Variants in DNAH3 observed in about 807,000 individuals in gnomAD.
DNAH3 encodes the protein dynein axonemal heavy chain 3, also known as axonemal beta dynein heavy chain 3.
A neutral mutation model predicts 432.5 loss-of-function variants in DNAH3; 332 were observed. The observed-to-expected ratio is 0.77, with a 90% CI of 0.70 to 0.84. The LOEUF (loss-of-function observed/expected upper bound fraction) is 0.84. DNAH3 is among the 40% of genes least tolerant of loss of function. The probability of loss-of-function intolerance (pLI) is 0.00; values close to 1 mark genes in which losing one functional copy is unlikely to be tolerated. For synonymous variants in DNAH3, 1,956 were observed against 1,900.2 expected (o/e 1.03, Z -0.76); for missense variants, 4,861 against 5,114.0 (o/e 0.95, Z 1.51).
In DNAH3 at chr16:21,084,035, A is replaced by ACCTTTTTTG. The variant is rs1362152208; in HGVS notation, c.2878-2317_2878-2309dup. Among the ~76,000 whole-genome samples, 18 of 152,076 alleles carry ACCTTTTTTG rather than the reference A, an allele frequency of 1.2e-4. No individual in the cohort carries two copies. In the South Asian group the frequency reaches 3.1e-3, roughly 26 times the overall value. The stretch of plus-strand genomic sequence containing the variant: ...CTGCCCGCTCCCTTCCTCTGACCGG[A>ACCTTTTTTG]CCTTTTTTGCCTTTTTGACTTTTCC... On this transcript the variant is annotated intron_variant, in intron 19 of 61. Transcript: ENST00000261383.
At chr16:21,142,331 C>T (rs768371929) in intron 3 of DNAH3, among the ~76,000 whole-genome samples, 68 of 152,240 alleles carry the variant, frequency 4.5e-4, no homozygotes, top group Middle Eastern at 3.4e-3. Context: ...AGCACCATTG[C>T]ACTCCAGCCT....
rs771791969 is a variant in DNAH3 at position 21,040,358 on chromosome 16, A to ATC, written c.4639-416_4639-415insGA. On this transcript the variant is annotated intron_variant, in intron 32 of 61. Coordinates refer to ENST00000261383, the Ensembl canonical transcript of DNAH3. Reference sequence around the variant, plus strand: ...TCAGAAGAATCCCAAAGCCAGACAGATTTTTTTTTTTTTTTTTTTTTTTTT... The same window carrying ATC: ...TCAGAAGAATCCCAAAGCCAGACAGATCTTTTTTTTTTTTTTTTTTTTTTTTT... 1.2e-3 allele frequency among the ~76,000 whole-genome samples: 95 copies of ATC among 79,746 alleles called. 22 individuals are homozygous for ATC. The highest frequency in any genetic ancestry group is 6.6e-3 in the Middle Eastern group (1 of 152). 52.3% of individuals were successfully genotyped at this position (79,746 alleles called of 152,430 possible). A position where few individuals can be genotyped will look rare whatever the true frequency, so the allele number is the denominator to read the frequency against.
intron 58 of DNAH3, among the ~76,000 whole-genome samples, chr16:20,943,267 G>A (rs1012497000): frequency 4.0e-5 from 6 of 151,198 alleles, no homozygotes; most frequent in African/African-American, 9.7e-5. Context: ...TTGTATAGAC[G>A]GCGTTTTGCT....
At position 20,941,360 on chromosome 16, in the gene DNAH3, C is replaced by T. The variant is rs769152402; in HGVS notation, c.11654+41G>A. The T allele has an allele frequency of 9.9e-6, 16 of 1,611,104 alleles. 1 individual carries two copies. Among genetic ancestry groups the T allele is most frequent in the Middle Eastern group, 3.3e-4 (2 of 6,038 alleles). On this transcript the variant is annotated intron_variant, in intron 59 of 61. Coordinates refer to ENST00000261383, the Ensembl canonical transcript of DNAH3. ...ACTGCCTGTTAGATCCTACTCCTCA[C>T]GTTCCAACTCCCAGGATTCAAGCTA...
At chr16:20,998,763 AG>A (rs1159615421) in intron 43 of DNAH3, among the ~76,000 whole-genome samples, 40 of 103,486 alleles carry the variant, frequency 3.9e-4, no homozygotes, top group African/African-American at 4.8e-4. Context: ...AAAAAAAAAA[AG>A]GGGGGGGCTC....
intron 59 of DNAH3, among the ~76,000 whole-genome samples, chr16:20,940,222 CAG>C (rs992882305): frequency 6.6e-6 from 1 of 152,016 alleles, no homozygotes; most frequent in African/African-American, 2.4e-5. Flanking sequence ...TTCTGAATCT[CAG>C]AGTTTTTTTT....
Position 20,985,803 on chromosome 16 carries a change from G to A in DNAH3, c.7027-88C>T, listed in dbSNP as rs906743892. ...ATCATGGAGGGAGGGCATGGGAGAC[G>A]TGGCTTATTTCCTCTGAGCACATCC... On this transcript the variant is annotated intron_variant, in intron 47 of 61. Coordinates refer to ENST00000261383, the Ensembl canonical transcript of DNAH3. 2.0e-5 allele frequency: 27 copies of A among 1,347,014 alleles called. No individual in the cohort carries two copies. In the South Asian group the frequency reaches 2.6e-4, roughly 13 times the overall value. 83.4% of individuals were successfully genotyped at this position (1,347,014 alleles called of 1,614,324 possible). A position where few individuals can be genotyped will look rare whatever the true frequency, so the allele number is the denominator to read the frequency against.
intron 50 of DNAH3, among the ~76,000 whole-genome samples, chr16:20,977,387 AAAAC>A (rs751799634): frequency 1.1e-4 from 17 of 152,134 alleles, no homozygotes; most frequent in African/African-American, 2.2e-4. Flanking sequence ...AACAAAAACA[AAAAC>A]AAACAAACAA....
At chr16:21,083,326 A>AT (rs149561213) in intron 19 of DNAH3, among the ~76,000 whole-genome samples, 2,494 of 152,228 alleles carry the variant, frequency 0.016, 61 homozygotes, top group African/African-American at 0.052. Context: ...AGACCAGGAG[A>AT]TTTTTTTATA....
intron 30 of DNAH3, 34 bp from the exon 31 acceptor site, chr16:21,049,716 G>A (rs1219952365): frequency 5.1e-6 from 8 of 1,582,774 alleles, no homozygotes; most frequent in African/African-American, 4.0e-5. Flanking sequence ...ATCATTCAGG[G>A]TGGATTCCAT....
At chr16:20,964,801 C>A in exon 53 of DNAH3, 1 of 1,614,160 alleles carries the variant, frequency 6.2e-7, no homozygotes, top group South Asian at 1.1e-5. Context: ...CTTGTCCTTA[C>A]ATTCAGCCAA....
intron 1 of DNAH3, among the ~76,000 whole-genome samples, chr16:21,157,158 A>G (rs187799474): frequency 1.3e-5 from 2 of 152,126 alleles, no homozygotes; most frequent in African/African-American, 4.8e-5. Context: ...TCTTTCTGCT[A>G]TTGTGGAATT....
chr16:20,955,075 C>A lies in DNAH3; in HGVS notation c.10827-18G>T. ...GCCAGAGTCTGGAAGAACAATGGACCCAACGTTTTAGAGCAATACAATAAG... is the reference window on the plus strand; with the variant it reads ...GCCAGAGTCTGGAAGAACAATGGACACAACGTTTTAGAGCAATACAATAAG... On this transcript the variant is annotated intron_variant, in intron 54 of 61. Transcript: ENST00000261383. The A allele has an allele frequency of 6.3e-7, 1 of 1,583,658 alleles. No individual in the cohort carries two copies. The highest frequency in any genetic ancestry group is 8.6e-7 in the Non-Finnish European group (1 of 1,164,362).
At chr16:21,087,198 T>C (rs2091406716) in intron 18 of DNAH3, 138 bp from the exon 19 acceptor site, 3 of 714,146 alleles carry the variant, frequency 4.2e-6, no homozygotes, top group Non-Finnish European at 7.1e-6. Context: ...ATCTGAAACC[T>C]GCACTTAGCC....
chr16:21,020,397 A>ATTTTTTTT (rs56049638), intron 40 of DNAH3, among the ~76,000 whole-genome samples: 1 of 34,596 alleles, frequency 2.9e-5, no homozygotes, highest in African/African-American at 1.2e-4. Flanking sequence ...ATATATATAT[A>ATTTTTTTT]TTTTTTTTTT....
At chr16:20,987,354 T>C in exon 47 of DNAH3, 2 of 1,614,216 alleles carry the variant, frequency 1.2e-6, no homozygotes, top group Non-Finnish European at 1.7e-6. Context: ...CTTCACCATG[T>C]TGAAAAAGAC....
intron 21 of DNAH3, among the ~76,000 whole-genome samples, chr16:21,071,667 C>T (rs1437679444): frequency 4.6e-5 from 7 of 151,960 alleles, no homozygotes; most frequent in South Asian, 4.2e-4. Context: ...GTAGGAGGAT[C>T]GCTTGAGTCC....
intron 38 of DNAH3, among the ~76,000 whole-genome samples, chr16:21,026,627 G>A (rs2088570082): frequency 6.7e-6 from 1 of 150,262 alleles, no homozygotes; most frequent in East Asian, 2.0e-4. Context: ...CTTGAACCTG[G>A]GAGGCAGAGG....
At chr16:21,030,285 C>T (rs891539692) in intron 37 of DNAH3, among the ~76,000 whole-genome samples, 8 of 152,132 alleles carry the variant, frequency 5.3e-5, no homozygotes, top group Non-Finnish European at 7.3e-5. Flanking sequence ...TGGAAACTTC[C>T]ACTTCCTGAC....
Sources: gnomAD v4.1 joint callset for allele counts (sites outside exome capture counted in the v4.1 genomes callset) on GRCh38, gnomAD v4.1.1 for gene constraint, MANE v1.5 for transcripts, NCBI Gene and HGNC (gene_info 2026-07-23, HGNC 2026-07-21) for gene names.